ROBO1: variants seen among roughly 807,000 people sequenced by gnomAD.
ROBO1 encodes the protein roundabout guidance receptor 1.
A neutral mutation model predicts 195.9 loss-of-function variants in ROBO1; 149 were observed. The ratio of observed to expected loss-of-function variants is 0.76; its 90% CI spans 0.67 to 0.87. The LOEUF (loss-of-function observed/expected upper bound fraction) is 0.87. Ranked by LOEUF, ROBO1 falls within the 40% of genes least tolerant of loss-of-function variation. The pLI is 0.00. For synonymous variants in ROBO1, 816 were observed against 733.2 expected (o/e 1.11, Z -1.82); for missense variants, 1,933 against 2,068.3 (o/e 0.93, Z 1.27).
intron 2 of ROBO1, among the ~76,000 whole-genome samples, chr3:79,485,051 C>T (rs1043177914): frequency 2.6e-4 from 40 of 151,960 alleles, no homozygotes; most frequent in African/African-American, 8.9e-4. Flanking sequence ...CATGCCCAGC[C>T]GACTATCTTT....
chr3:78,746,022 C>T (rs368005185), intron 5 of ROBO1, among the ~76,000 whole-genome samples: 2 of 152,100 alleles, frequency 1.3e-5, no homozygotes, highest in Non-Finnish European at 2.9e-5. Flanking sequence ...CAAAGAGAAT[C>T]GTAAAGGGAA....
At chr3:79,619,235 C>T (rs758865713) in intron 1 of ROBO1, among the ~76,000 whole-genome samples, 5 of 152,130 alleles carry the variant, frequency 3.3e-5, no homozygotes, top group Non-Finnish European at 5.9e-5. Flanking sequence ...TGGCTGCACA[C>T]CCACATTACA....
At chr3:79,083,212 G>C (rs1003890256) in intron 3 of ROBO1, among the ~76,000 whole-genome samples, 8 of 151,818 alleles carry the variant, frequency 5.3e-5, no homozygotes, top group African/African-American at 1.9e-4. Flanking sequence ...ACAAACAAAA[G>C]TATATTTGCG....
intron 2 of ROBO1, among the ~76,000 whole-genome samples, chr3:79,494,368 C>G (rs1939619842): frequency 6.6e-6 from 1 of 152,020 alleles, no homozygotes; most frequent in Non-Finnish European, 1.5e-5. Context: ...AAAATAGGTT[C>G]TTTAGATAAT....
intron 1 of ROBO1, among the ~76,000 whole-genome samples, chr3:79,606,345 G>A (rs1944484467): frequency 6.6e-6 from 1 of 151,950 alleles, no homozygotes; most frequent in African/African-American, 2.4e-5. Flanking sequence ...TCATGAATCT[G>A]AGTTGTTTTT....
chr3:79,109,429 A>G (rs2079844246), intron 3 of ROBO1, among the ~76,000 whole-genome samples: 1 of 152,016 alleles, frequency 6.6e-6, no homozygotes, highest in Non-Finnish European at 1.5e-5. Context: ...TACCACATAA[A>G]TGAAGCATTA....
intron 3 of ROBO1, among the ~76,000 whole-genome samples, chr3:79,021,315 T>C (rs1277955552): frequency 6.6e-6 from 1 of 152,194 alleles, no homozygotes; most frequent in Admixed American, 6.5e-5. Context: ...GCTTACCTAG[T>C]AATAGAAAAC....
At chr3:79,662,804 A>G (rs1485727607) in intron 1 of ROBO1, among the ~76,000 whole-genome samples, 4 of 152,098 alleles carry the variant, frequency 2.6e-5, no homozygotes, top group Admixed American at 6.6e-5. Context: ...TAGAAATGCC[A>G]TGCTGCTGTG....
chr3:78,960,207 AT>A (rs1213079088), intron 3 of ROBO1, among the ~76,000 whole-genome samples: 2 of 151,990 alleles, frequency 1.3e-5, no homozygotes, highest in East Asian at 1.9e-4. Flanking sequence ...TTTAAACTTA[AT>A]TTTTTTAAAC....
intron 2 of ROBO1, among the ~76,000 whole-genome samples, chr3:79,206,965 C>T (rs2081879291): frequency 6.6e-6 from 1 of 152,006 alleles, no homozygotes; most frequent in African/African-American, 2.4e-5. Flanking sequence ...AATGACACAC[C>T]TACATGAGCT....
At chr3:79,076,353 A>G (rs1477284655) in intron 3 of ROBO1, among the ~76,000 whole-genome samples, 1 of 149,998 alleles carries the variant, frequency 6.7e-6, no homozygotes, top group Non-Finnish European at 1.5e-5. Context: ...AGAAATTACC[A>G]TTAAATACAA....
intron 4 of ROBO1, among the ~76,000 whole-genome samples, chr3:78,747,433 T>C (rs974463694): frequency 2.6e-5 from 4 of 152,196 alleles, no homozygotes; most frequent in African/African-American, 7.2e-5. Context: ...AATTTAAATA[T>C]GCTCAATATA....
chr3:79,165,244 A>T lies in ROBO1; in HGVS notation c.89-39705T>A, dbSNP rs185540739. On this transcript the variant is annotated intron_variant, in intron 2 of 30. Coordinates refer to ENST00000464233, the MANE Select transcript of ROBO1 (RefSeq NM_002941.4). ...ACTTTATTAGAGTCAGCATGTTTTG[A>T]TCAGAAGACCTTACTCTACCATAGT... Among the ~76,000 whole-genome samples the T allele has an allele frequency of 8.5e-5, 13 of 152,332 alleles. No individual in the cohort carries two copies. The East Asian group carries it at 2.3e-3, about 27-fold the overall frequency.
intron 27 of ROBO1, among the ~76,000 whole-genome samples, chr3:78,617,341 C>T (rs953466914): frequency 3.3e-5 from 5 of 152,122 alleles, no homozygotes; most frequent in South Asian, 2.1e-4. Flanking sequence ...TTGTGTAATA[C>T]GTATATTTGC....
At chr3:78,723,142 T>A (rs1486273160) in intron 5 of ROBO1, among the ~76,000 whole-genome samples, 1 of 152,144 alleles carries the variant, frequency 6.6e-6, no homozygotes, top group East Asian at 1.9e-4. Context: ...GCTGAAAAAT[T>A]CCTAGTGATG....
At chr3:79,272,533 T>G (rs2030659449) in intron 2 of ROBO1, among the ~76,000 whole-genome samples, 1 of 152,074 alleles carries the variant, frequency 6.6e-6, no homozygotes, top group Admixed American at 6.6e-5. Context: ...AAGACAGTCT[T>G]GAATTGCCTA....
chr3:79,650,664 A>C (rs1346065366), intron 1 of ROBO1, among the ~76,000 whole-genome samples: 4 of 151,876 alleles, frequency 2.6e-5, no homozygotes, highest in African/African-American at 9.7e-5. Context: ...CATTTTAGGA[A>C]TAGAATACCA....
chr3:79,019,152 C>A (rs1046964877), intron 3 of ROBO1: 3 of 986,570 alleles, frequency 3.0e-6, no homozygotes, highest in Non-Finnish European at 3.6e-6. Flanking sequence ...CGCGGACACT[C>A]GCACGTCTTC....
At chr3:78,964,675 A>G (rs561005984) in intron 3 of ROBO1, among the ~76,000 whole-genome samples, 1 of 152,266 alleles carries the variant, frequency 6.6e-6, no homozygotes, top group African/African-American at 2.4e-5. Flanking sequence ...CATCCCCATA[A>G]TACAGGAATG....
Sources: gnomAD v4.1 joint callset for allele counts (sites outside exome capture counted in the v4.1 genomes callset) on GRCh38, gnomAD v4.1.1 for gene constraint, MANE v1.5 for transcripts, NCBI Gene and HGNC (gene_info 2026-07-23, HGNC 2026-07-21) for gene names.